LOC400499: variants seen among roughly 807,000 people sequenced by gnomAD.
At chr16:11,475,335 T>TAATA in the LOC400499 span, among the ~76,000 whole-genome samples, 22 of 152,072 alleles carry the variant, frequency 1.4e-4, no homozygotes, top group African/African-American at 2.7e-4. Context: ...AAAATAAAAA[T>TAATA]AATAAATAAA....
At chr16:11,427,959 G>C in the LOC400499 span, among the ~76,000 whole-genome samples, 2 of 152,128 alleles carry the variant, frequency 1.3e-5, no homozygotes, top group Non-Finnish European at 2.9e-5. Flanking sequence ...AAGGGGTCCG[G>C]ATCCAGACCC....
At chr16:11,424,382 C>T in the LOC400499 span, 3 of 399,200 alleles carry the variant, frequency 7.5e-6, no homozygotes, top group Non-Finnish European at 8.8e-6. Flanking sequence ...TGGGCAGAGC[C>T]CCAGAGACCA....
At chr16:11,493,176 G>A in the LOC400499 span, among the ~76,000 whole-genome samples, 3 of 152,272 alleles carry the variant, frequency 2.0e-5, no homozygotes, top group East Asian at 1.9e-4. Context: ...AAGAAGGGAG[G>A]TAGTGGTCCA....
At chr16:11,485,878 T>C in the LOC400499 span, among the ~76,000 whole-genome samples, 11 of 151,984 alleles carry the variant, frequency 7.2e-5, no homozygotes, top group Non-Finnish European at 1.6e-4. Flanking sequence ...GGAAAACAGA[T>C]GAATAGATAG....
chr16:11,381,965 C>T, the LOC400499 span, among the ~76,000 whole-genome samples: 14,743 of 149,118 alleles, frequency 0.099, 823 homozygotes, highest in Non-Finnish European at 0.13. Context: ...TTTTTTGAGA[C>T]GGAGTCTTGC....
chr16:11,390,527 A>T, the LOC400499 span: 1 of 1,197,356 alleles, frequency 8.4e-7, no homozygotes, highest in Admixed American at 4.2e-5. Flanking sequence ...AGCCCTGCCC[A>T]GACACGCCAG....
At chr16:11,511,422 A>T in the LOC400499 span, among the ~76,000 whole-genome samples, 1 of 152,210 alleles carries the variant, frequency 6.6e-6, no homozygotes, top group Admixed American at 6.5e-5. Flanking sequence ...TAGAGTCAGA[A>T]TTTGAATCCA....
At chr16:11,387,213 T>C in the LOC400499 span, 2 of 1,230,780 alleles carry the variant, frequency 1.6e-6, no homozygotes, top group African/African-American at 1.6e-5. Context: ...TTCTCCTCCA[T>C]GAGGTAGCTG....
chr16:11,526,227 C>T, the LOC400499 span, among the ~76,000 whole-genome samples: 2 of 152,156 alleles, frequency 1.3e-5, no homozygotes, highest in Non-Finnish European at 2.9e-5. Context: ...TACAGAGAAA[C>T]TTTTCATTTA....
At chr16:11,526,600 T>G in the LOC400499 span, among the ~76,000 whole-genome samples, 4 of 152,368 alleles carry the variant, frequency 2.6e-5, no homozygotes, top group East Asian at 7.7e-4. Context: ...TACTTCCTAT[T>G]GATTACATTT....
the LOC400499 span, among the ~76,000 whole-genome samples, chr16:11,499,519 G>A: frequency 1.3e-5 from 2 of 152,072 alleles, no homozygotes; most frequent in Non-Finnish European, 2.9e-5. Context: ...GTCAGTGCCT[G>A]ATTCTTGTCT....
the LOC400499 span, among the ~76,000 whole-genome samples, chr16:11,389,709 A>AAAG: frequency 1.9e-4 from 29 of 150,432 alleles, no homozygotes; most frequent in Non-Finnish European, 1.3e-4. Flanking sequence ...AAAAAAAAAA[A>AAAG]GATTACAAAA....
At chr16:11,385,055 A>AGCCTGTAG in the LOC400499 span, 13 of 1,232,054 alleles carry the variant, frequency 1.1e-5, no homozygotes, top group Admixed American at 1.3e-4. Context: ...GGAGTTGTAC[A>AGCCTGTAG]GCCTGTAGGC....
At chr16:11,384,077 A>C in the LOC400499 span, 1 of 1,231,074 alleles carries the variant, frequency 8.1e-7, no homozygotes, top group South Asian at 4.1e-5. Flanking sequence ...CACTGGCCTC[A>C]GCAGGAGACT....
the LOC400499 span, among the ~76,000 whole-genome samples, chr16:11,470,204 C>T: frequency 1.9e-4 from 29 of 152,320 alleles, no homozygotes; most frequent in African/African-American, 7.0e-4. Context: ...GCCACTGCGC[C>T]TGGCCTCTCC....
chr16:11,407,802 G>A, the LOC400499 span, among the ~76,000 whole-genome samples: 35 of 152,188 alleles, frequency 2.3e-4, no homozygotes, highest in Non-Finnish European at 3.7e-4. Context: ...CAGGGATAAG[G>A]ACACCTATTT....
the LOC400499 span, among the ~76,000 whole-genome samples, chr16:11,481,715 C>A: frequency 6.6e-6 from 1 of 152,088 alleles, no homozygotes; most frequent in Non-Finnish European, 1.5e-5. Context: ...TCTCGGCAAC[C>A]CCTGCCTCCC....
At chr16:11,486,040 T>A in the LOC400499 span, among the ~76,000 whole-genome samples, 20 of 151,088 alleles carry the variant, frequency 1.3e-4, no homozygotes, top group South Asian at 3.8e-3. Flanking sequence ...GGTAAATGGA[T>A]TGAGTGAATA....
At chr16:11,444,016 T>C in the LOC400499 span, among the ~76,000 whole-genome samples, 1 of 152,230 alleles carries the variant, frequency 6.6e-6, no homozygotes, top group South Asian at 2.1e-4. Flanking sequence ...TATAGTTTTT[T>C]TTTTAGTAGA....
Sources: allele counts gnomAD v4.1 joint callset (sites outside exome capture counted in the v4.1 genomes callset), GRCh38; gene constraint gnomAD v4.1.1; transcripts MANE v1.5.